Variants in ARHGAP32 observed in about 807,000 individuals in gnomAD.
The protein encoded by ARHGAP32 is Rho GTPase activating protein 32.
A neutral mutation model predicts 186.5 loss-of-function variants in ARHGAP32; 51 were observed. The ratio of observed to expected loss-of-function variants is 0.27; its 90% confidence interval spans 0.22 to 0.35. ARHGAP32 has a LOEUF of 0.35. ARHGAP32 is among the 10% of genes least tolerant of loss of function. ARHGAP32 has a pLI of 1.00. For synonymous variants in ARHGAP32, 950 were observed against 964.3 expected (o/e 0.99, Z 0.27); for missense variants, 2,186 against 2,623.5 (o/e 0.83, Z 3.64).
intron 5 of ARHGAP32, among the ~76,000 whole-genome samples, chr11:129,122,410 C>G (rs1327862299): frequency 2.0e-5 from 3 of 151,648 alleles, no homozygotes; most frequent in Admixed American, 1.3e-4. Context: ...ATCACTCAAA[C>G]AGATATATCA....
intron 1 of ARHGAP32, among the ~76,000 whole-genome samples, chr11:129,209,910 G>A (rs1056981090): frequency 3.9e-5 from 6 of 152,170 alleles, no homozygotes; most frequent in African/African-American, 1.4e-4. Context: ...TAACCAGAAT[G>A]TCGGGGGATA....
chr11:129,066,826 C>A lies in ARHGAP32; in HGVS notation c.574G>T (p.Val192Leu). 1 of 1,611,126 alleles carries A rather than the reference C, an allele frequency of 6.2e-7. No homozygotes were observed. The highest frequency in any genetic ancestry group is 1.1e-5 in the South Asian group (1 of 90,754). ...IVKRSYEDFR[V>L]LDKHLHLCIY... is the part of the protein sequence containing the mutation. Reference sequence around the variant, plus strand: ...CACAGATGAAGATGTTTATCAAGTACCCGAAAATCTTCATAACTTCTTTTA... The same window carrying A: ...CACAGATGAAGATGTTTATCAAGTAACCGAAAATCTTCATAACTTCTTTTA... The change falls in exon 7 of 23, where the codon GTA becomes TTA. Residue 192 changes from valine to leucine, a missense_variant. Val to Leu is a conservative substitution (Grantham distance 32, BLOSUM62 1). Around this residue, in one of 5 missense-constraint regions of ARHGAP32, gnomAD observed 308 missense variants for 596.5 expected, o/e 0.52. Coordinates refer to ENST00000682385, the MANE Select transcript of ARHGAP32 (RefSeq NM_001378024.1).
intron 11 of ARHGAP32, among the ~76,000 whole-genome samples, chr11:129,035,841 CA>C (rs1012163318): frequency 6.7e-6 from 1 of 150,222 alleles, no homozygotes; most frequent in Non-Finnish European, 1.5e-5. Context: ...AAGACTCCAT[CA>C]AAAAAAGAAA....
chr11:129,072,274 T>C (rs1940893119), intron 6 of ARHGAP32, among the ~76,000 whole-genome samples: 1 of 152,226 alleles, frequency 6.6e-6, no homozygotes, highest in South Asian at 2.1e-4. Flanking sequence ...TTTTTATTTG[T>C]TCTGCCAGCT....
At chr11:129,062,016 C>A (rs1030504409) in intron 10 of ARHGAP32, among the ~76,000 whole-genome samples, 1 of 152,094 alleles carries the variant, frequency 6.6e-6, no homozygotes, top group African/African-American at 2.4e-5. Flanking sequence ...GGCCTTGTAA[C>A]CTAAAAGTGG....
chr11:129,079,275 C>T (rs962275426), intron 6 of ARHGAP32, among the ~76,000 whole-genome samples: 1 of 152,116 alleles, frequency 6.6e-6, no homozygotes, highest in African/African-American at 2.4e-5. Context: ...GGAAATTCAT[C>T]GCAAAATGAT....
intron 2 of ARHGAP32, among the ~76,000 whole-genome samples, chr11:129,163,234 G>A (rs543968689): frequency 1.4e-4 from 22 of 152,246 alleles, no homozygotes; most frequent in African/African-American, 5.3e-4. Flanking sequence ...TATCATTACA[G>A]ATCAGCACTG....
At chr11:129,131,279 ATGTG>A (rs749870342) in intron 2 of ARHGAP32, among the ~76,000 whole-genome samples, 2 of 152,192 alleles carry the variant, frequency 1.3e-5, no homozygotes, top group East Asian at 1.9e-4. Flanking sequence ...TTACTCACTT[ATGTG>A]TGTGTGTGTT....
intron 1 of ARHGAP32, among the ~76,000 whole-genome samples, chr11:129,219,842 A>T (rs894027435): frequency 2.6e-5 from 4 of 151,966 alleles, no homozygotes; most frequent in African/African-American, 9.7e-5. Context: ...ATTAATATTC[A>T]CATTAACTAC....
intron 1 of ARHGAP32, among the ~76,000 whole-genome samples, chr11:129,186,939 T>C (rs1944174140): frequency 6.6e-6 from 1 of 152,208 alleles, no homozygotes; most frequent in African/African-American, 2.4e-5. Context: ...GCAACTACTA[T>C]GAAGAAAAGT....
At chr11:129,233,635 C>A (rs568203959) in intron 1 of ARHGAP32, among the ~76,000 whole-genome samples, 72 of 149,500 alleles carry the variant, frequency 4.8e-4, no homozygotes, top group African/African-American at 1.7e-3. Flanking sequence ...AAAAAAAAAA[C>A]CTGCAACAAT....
intron 5 of ARHGAP32, among the ~76,000 whole-genome samples, chr11:129,108,112 T>C (rs1942100667): frequency 1.3e-5 from 2 of 151,692 alleles, no homozygotes; most frequent in African/African-American, 4.8e-5. Flanking sequence ...ATAAGACATA[T>C]CGAAAACAAA....
chr11:129,074,650 T>C (rs1286353291), intron 6 of ARHGAP32, among the ~76,000 whole-genome samples: 4 of 151,996 alleles, frequency 2.6e-5, no homozygotes, highest in African/African-American at 7.3e-5. Flanking sequence ...CCTGCCACCA[T>C]GCCTGGCTAA....
At chr11:129,219,634 A>G (rs1473656607) in intron 1 of ARHGAP32, among the ~76,000 whole-genome samples, 1 of 152,066 alleles carries the variant, frequency 6.6e-6, no homozygotes, top group Non-Finnish European at 1.5e-5. Context: ...GCCCAGAAAT[A>G]TTTCTACAGT....
chr11:129,019,453 C>T (rs994922868), intron 11 of ARHGAP32, among the ~76,000 whole-genome samples: 1 of 151,988 alleles, frequency 6.6e-6, no homozygotes, highest in Non-Finnish European at 1.5e-5. Flanking sequence ...TCTAATCATC[C>T]GAATTACCTC....
rs146345062 is a variant in ARHGAP32 at position 128,976,633 on chromosome 11, A to G, written c.2124T>C (p.Gly708=). The G allele has an allele frequency of 5.1e-5, 83 of 1,613,486 alleles. 1 individual carries two copies. The Middle Eastern group carries it at 1.7e-3, about 32-fold the overall frequency. Residue 708 remains glycine (G), a splice_region_variant and synonymous_variant, in exon 20 of 23, where the codon GGT becomes GGC. Transcript: ENST00000682385. The stretch of plus-strand genomic sequence containing the variant: ...AACGGAGGGTTCCTTCTGCCCTGCC[A>G]CCTGAAGAATAAAAAACACATAGTG... ...PSEMKAMALK[G]GRAEGTLRSA...
At chr11:129,129,022 G>A (rs375069595) in intron 2 of ARHGAP32, among the ~76,000 whole-genome samples, 9 of 152,162 alleles carry the variant, frequency 5.9e-5, no homozygotes, top group Non-Finnish European at 1.3e-4. Flanking sequence ...GGGAAGTGAA[G>A]AGCGTCTCTG....
chr11:129,076,641 A>C (rs1210308047), intron 6 of ARHGAP32, among the ~76,000 whole-genome samples: 2 of 152,242 alleles, frequency 1.3e-5, no homozygotes, highest in Non-Finnish European at 2.9e-5. Context: ...AAAAACAAAA[A>C]TACAACTTAC....
chr11:128,974,177 T>A lies in ARHGAP32; in HGVS notation c.3020A>T (p.Gln1007Leu), dbSNP rs1440850243. 1 of 1,614,238 alleles carries A rather than the reference T, an allele frequency of 6.2e-7. No individual in the cohort carries two copies. Among genetic ancestry groups the A allele is most frequent in the Non-Finnish European group, 8.5e-7 (1 of 1,180,032 alleles). Residue 1007 changes from glutamine (Q) to leucine (L), a missense_variant, in exon 21 of 23, where the codon CAG (glutamine) becomes CTG (leucine). Transcript: ENST00000682385. ...CTTACTCTGACTGCTTGAGACAGAC[T>A]GATCCTCTTTCCCTGGCAATTCTAC... ...EEVELPGKED[Q>L]SVSSSQSKAV... is the part of the protein sequence containing the mutation.
Sources: gnomAD v4.1 joint callset for allele counts (sites outside exome capture counted in the v4.1 genomes callset) on GRCh38, gnomAD v4.1.1 for gene constraint, gnomAD v4.1.1 regional missense constraint, MANE v1.5 for transcripts, NCBI Gene and HGNC (gene_info 2026-07-23, HGNC 2026-07-21) for gene names.